The following VASH1 variants were observed in gnomAD, a reference collection of about 807,000 sequenced individuals.
VASH1 encodes vasohibin 1.
In VASH1, 16 loss-of-function variants were observed where a neutral mutation model predicts 35.0. That is an observed-to-expected ratio of 0.46 (90% CI 0.31 to 0.70). The LOEUF (loss-of-function observed/expected upper bound fraction) is 0.70, where lower values mean the gene tolerates loss of function less well. Among genes scored for constraint, VASH1 ranks in the 30% least tolerant of loss-of-function variants. The pLI is 0.05. For missense variants in VASH1, 505 were observed against 510.7 expected (o/e 0.99, Z 0.11); for synonymous variants, 214 against 200.9 (o/e 1.07, Z -0.55).
At position 76,775,941 on chromosome 14, in the gene VASH1, A is replaced by AC. The variant is rs1327705706; in HGVS notation, c.580_581insC (p.Lys194ThrfsTer96). The AC allele has an allele frequency of 6.2e-7, 1 of 1,607,686 alleles. No homozygotes were observed. Among genetic ancestry groups the AC allele is most frequent in the South Asian group, 1.1e-5 (1 of 89,726 alleles). On this transcript the variant is annotated frameshift_variant, in exon 5 of 7. Transcript: ENST00000167106. LOFTEE classifies it high-confidence loss of function. ...CCTGGAGCGCTTCCCCATCAGCTTC[A>AC]AGACCTACTTCTCAGGGAACTACTT...
Position 76,776,257 on chromosome 14 carries a change from G to T in VASH1, c.896G>T (p.Arg299Leu). ...CGCAAGGAGCTGGAGCGCCACGCCC[G>T]CGACATGCGGCTCAAGGTCTGCCCG... ...DFRKELERHA[R>L]DMRLKIGKGT... The change falls in exon 5 of 7, where the codon CGC (arginine) becomes CTC (leucine). Residue 299 changes from arginine (R) to leucine (L), a missense_variant. Physicochemically the swap from Arg to Leu is moderately radical, Grantham distance 102. Coordinates refer to ENST00000167106, the MANE Select transcript of VASH1 (RefSeq NM_014909.5). 1 of 1,594,766 alleles carries T rather than the reference G, an allele frequency of 6.3e-7. No individual in the cohort carries two copies. Among genetic ancestry groups the T allele is most frequent in the Non-Finnish European group, 8.5e-7 (1 of 1,173,494 alleles).
chr14:76,770,952 A>C (rs1893778823), intron 2 of VASH1, among the ~76,000 whole-genome samples: 1 of 152,212 alleles, frequency 6.6e-6, no homozygotes, highest in South Asian at 2.1e-4. Context: ...GCCCTCGCCG[A>C]ACTGGTCGCC....
chr14:76,780,492 G>C lies in VASH1; in HGVS notation c.*1474G>C, dbSNP rs1435626853. ...AGGGACAGCTGTCAGTAAGGCTGCA[G>C]AAGGGCTGGGGGGCTACACAAGGAA... On this transcript the variant is annotated 3_prime_UTR_variant, in exon 7 of 7. Coordinates refer to ENST00000167106, the MANE Select transcript of VASH1 (RefSeq NM_014909.5). The C allele has an allele frequency of 6.6e-6, 1 of 152,444 alleles. No homozygotes were observed. Among genetic ancestry groups the C allele is most frequent in the African/African-American group, 2.4e-5 (1 of 41,442 alleles). 9.4% of individuals were successfully genotyped at this position (152,444 alleles called of 1,614,324 possible).
intron 2 of VASH1, among the ~76,000 whole-genome samples, chr14:76,770,854 C>A (rs1893775565): frequency 6.6e-6 from 1 of 152,218 alleles, no homozygotes; most frequent in African/African-American, 2.4e-5. Flanking sequence ...GACCCCCTAC[C>A]CTAGCCTCCT....
Position 76,762,986 on chromosome 14 carries a change from C to T in VASH1, c.165C>T (p.Asp55=), listed in dbSNP as rs753761782. 5 of 1,550,254 alleles carry T rather than the reference C, an allele frequency of 3.2e-6. No individual in the cohort carries two copies. Among genetic ancestry groups the T allele is most frequent in the Non-Finnish European group, 4.4e-6 (5 of 1,146,806 alleles). Residue 55 remains aspartate, a synonymous_variant, in exon 1 of 7, where the codon GAC becomes GAT. Coordinates refer to ENST00000167106, the MANE Select transcript of VASH1 (RefSeq NM_014909.5). ...PEEEGEEDLR[D]GGVPFFVNRG... Reference sequence around the variant, plus strand: ...AGGAAGGGGAAGAGGACCTGCGAGACGGAGGCGTCCCCTTCTTTGTCAACC... The same window carrying T: ...AGGAAGGGGAAGAGGACCTGCGAGATGGAGGCGTCCCCTTCTTTGTCAACC...
chr14:76,765,464 T>C (rs1465140467), intron 1 of VASH1, among the ~76,000 whole-genome samples: 1 of 152,132 alleles, frequency 6.6e-6, no homozygotes, highest in African/African-American at 2.4e-5. Flanking sequence ...AGTAGAAAGG[T>C]ACCCTTAGAG....
In VASH1 at chr14:76,776,123, CAAG is replaced by C. The variant is rs1566686743; in HGVS notation, c.766_768del (p.Lys256del). 18 of 1,609,778 alleles carry C rather than the reference CAAG, an allele frequency of 1.1e-5. No homozygotes were observed. The highest frequency in any genetic ancestry group is 1.4e-5 in the Non-Finnish European group (16 of 1,179,674). ...CCTACGGCCGCTGCTGGCACGTGCT[CAAG>C]AAGGTGAAGCTGGGCCAGAGCGTGT... is the stretch of plus-strand genomic sequence containing the variant. On this transcript the variant is annotated inframe_deletion, in exon 5 of 7. Transcript: ENST00000167106.
At position 76,780,827 on chromosome 14, in the gene VASH1, G is replaced by A. The variant is rs1334303451; in HGVS notation, c.*1809G>A. The A allele has an allele frequency of 6.6e-6, 1 of 152,250 alleles. No individual in the cohort carries two copies. The highest frequency in any genetic ancestry group is 1.5e-5 in the Non-Finnish European group (1 of 68,064). The allele number at this position is 152,250 out of a possible 1,614,324, so 9.4% of individuals were successfully genotyped here. A position where few individuals can be genotyped will look rare whatever the true frequency, so the allele number is the denominator to read the frequency against. ...TGAAGTAGAGAGAGCTCGTGCTGGGGAGAAGTCCACCAAGATGCTTTGAGG... is the reference window on the plus strand; with the variant it reads ...TGAAGTAGAGAGAGCTCGTGCTGGGAAGAAGTCCACCAAGATGCTTTGAGG... On this transcript the variant is annotated 3_prime_UTR_variant, in exon 7 of 7. Transcript: ENST00000167106.
intron 5 of VASH1, among the ~76,000 whole-genome samples, chr14:76,777,194 G>A (rs569575346): frequency 6.6e-6 from 1 of 152,226 alleles, no homozygotes; most frequent in Non-Finnish European, 1.5e-5. Context: ...ATCTCCTGGG[G>A]TGACAGTGCC....
chr14:76,773,085 C>T (rs1344795361), intron 3 of VASH1, 52 bp from the exon 4 acceptor site: 2 of 1,579,102 alleles, frequency 1.3e-6, no homozygotes, highest in East Asian at 4.5e-5. Context: ...CTCACATTCC[C>T]CTGGAGGGGC....
At chr14:76,765,761 C>T (rs1451977623) in intron 1 of VASH1, among the ~76,000 whole-genome samples, 2 of 152,350 alleles carry the variant, frequency 1.3e-5, no homozygotes, top group East Asian at 1.9e-4. Flanking sequence ...TGCAGTCCCA[C>T]GTGGCAGCTG....
chr14:76,768,642 G>A (rs79501688), intron 1 of VASH1, among the ~76,000 whole-genome samples: 1 of 152,168 alleles, frequency 6.6e-6, no homozygotes, highest in Non-Finnish European at 1.5e-5. Context: ...CAGCCACTGC[G>A]GTCACATTAT....
rs1217771122 is a variant in VASH1 at position 76,776,090 on chromosome 14, C to T, written c.729C>T (p.Phe243=). 6.2e-7 allele frequency: 1 copy of T among 1,608,964 alleles called. No homozygotes were observed. The highest frequency in any genetic ancestry group is 1.6e-4 in the Middle Eastern group (1 of 6,062). ...CGCTCAGCGAGCTCGTGCTGGACTTCGAGGCCGCCTACGGCCGCTGCTGGC... is the reference window on the plus strand; with the variant it reads ...CGCTCAGCGAGCTCGTGCTGGACTTTGAGGCCGCCTACGGCCGCTGCTGGC... ...FRTLSELVLD[F]EAAYGRCWHV... The change falls in exon 5 of 7, where the codon TTC becomes TTT. Residue 243 remains phenylalanine (F), a synonymous_variant. Transcript: ENST00000167106.
intron 4 of VASH1, chr14:76,774,002 C>A (rs1290874608): frequency 6.6e-6 from 1 of 152,304 alleles, no homozygotes; most frequent in Non-Finnish European, 1.5e-5. Flanking sequence ...GTATTCTTTA[C>A]CAGCTTTTAA....
At chr14:76,766,935 G>A (rs1451387455) in intron 1 of VASH1, among the ~76,000 whole-genome samples, 3 of 152,138 alleles carry the variant, frequency 2.0e-5, no homozygotes, top group Non-Finnish European at 4.4e-5. Context: ...AGTGTCTGAG[G>A]CACAGGGGAG....
chr14:76,765,647 C>G (rs1429629535), intron 1 of VASH1, among the ~76,000 whole-genome samples: 1 of 152,204 alleles, frequency 6.6e-6, no homozygotes, highest in African/African-American at 2.4e-5. Context: ...CAGTGTGGGG[C>G]TCAAGAAGTG....
At chr14:76,767,416 A>T (rs895603633) in intron 1 of VASH1, among the ~76,000 whole-genome samples, 1 of 152,108 alleles carries the variant, frequency 6.6e-6, no homozygotes, top group Admixed American at 6.5e-5. Context: ...CACCTCCCCC[A>T]GGCCTCATTG....
At position 76,780,019 on chromosome 14, in the gene VASH1, A is replaced by G. The variant is rs1286649355; in HGVS notation, c.*1001A>G. 6.2e-6 allele frequency: 1 copy of G among 160,166 alleles called. No homozygotes were observed. Among genetic ancestry groups the G allele is most frequent in the Non-Finnish European group, 1.4e-5 (1 of 72,406 alleles). The allele number at this position is 160,166 out of a possible 1,614,324, so 9.9% of individuals were successfully genotyped here. The stretch of plus-strand genomic sequence containing the variant: ...CCCCAGGCCTGCCTTCCATTCTTTA[A>G]CAGCCCATCTTGGCTTGGGGTTGCA... On this transcript the variant is annotated 3_prime_UTR_variant, in exon 7 of 7. Coordinates refer to ENST00000167106, the MANE Select transcript of VASH1 (RefSeq NM_014909.5).
rs754834331 is a variant in VASH1 at position 76,762,996 on chromosome 14, C to T, written c.175C>T (p.Pro59Ser). The T allele has an allele frequency of 1.9e-6, 3 of 1,549,364 alleles. No individual in the cohort carries two copies. Among genetic ancestry groups the T allele is most frequent in the Admixed American group, 4.0e-5 (2 of 50,482 alleles). Residue 59 changes from proline to serine, a missense_variant, in exon 1 of 7, where the codon CCC becomes TCC. Pro to Ser is a moderately conservative substitution (Grantham distance 74). Transcript: ENST00000167106. ...GEEDLRDGGV[P>S]FFVNRGGLPV... is the part of the protein sequence containing the mutation. ...AGAGGACCTGCGAGACGGAGGCGTC[C>T]CCTTCTTTGTCAACCGGGGTGGGCT...
Sources: allele counts gnomAD v4.1 joint callset (sites outside exome capture counted in the v4.1 genomes callset), GRCh38; gene constraint gnomAD v4.1.1; transcripts MANE v1.5; gene names NCBI Gene and HGNC (gene_info 2026-07-23, HGNC 2026-07-21).